The following PSMG4 variants were observed in gnomAD, a reference collection of about 807,000 sequenced individuals.
PSMG4 encodes the protein proteasome (prosome, macropain) assembly chaperone 4.
In PSMG4, 10 loss-of-function variants were observed where a neutral mutation model predicts 11.0. That is an observed-to-expected ratio of 0.91 (90% CI 0.56 to 1.54). The LOEUF is 1.54. Among genes scored for constraint, PSMG4 ranks in the 40% most tolerant of loss-of-function variants. The probability of loss-of-function intolerance (pLI) is 0.00; values close to 1 mark genes in which losing one functional copy is unlikely to be tolerated. For missense variants in PSMG4, 198 were observed against 160.9 expected (o/e 1.23, Z -1.25); for synonymous variants, 95 against 71.3 (o/e 1.33, Z -1.68).
chr6:3,262,716 A>G (rs1758035729), intron 1 of PSMG4, among the ~76,000 whole-genome samples: 1 of 151,470 alleles, frequency 6.6e-6, no homozygotes, highest in Non-Finnish European at 1.5e-5. Context: ...AGATTCTCAG[A>G]CCTCTGTAGC....
upstream of PSMG4, chr6:3,255,011 G>GT: frequency 1.9e-6 from 3 of 1,544,264 alleles, no homozygotes; most frequent in South Asian, 3.6e-5. Context: ...CTCCCATGTG[G>GT]GAGCGCTGGG....
At chr6:3,266,137 G>A (rs976151730) in intron 2 of PSMG4, 2 of 152,050 alleles carry the variant, frequency 1.3e-5, no homozygotes, top group Admixed American at 6.6e-5. Context: ...AGGCTTTTGG[G>A]GTCCTGGGCT....
chr6:3,259,600 C>G (rs559331901), intron 1 of PSMG4, among the ~76,000 whole-genome samples: 1 of 152,244 alleles, frequency 6.6e-6, no homozygotes, highest in African/African-American at 2.4e-5. Context: ...ACTAGGCACA[C>G]ATCAGGCTCT....
intron 1 of PSMG4, among the ~76,000 whole-genome samples, chr6:3,262,870 A>AG (rs56701690): frequency 1 from 151,118 of 151,450 alleles, 75,396 homozygotes; most frequent in Middle Eastern, 1. Flanking sequence ...ATGTAGAGAC[A>AG]GATCTTACTT....
chr6:3,259,104 T>C lies in PSMG4; in HGVS notation c.82T>C (p.Phe28Leu), dbSNP rs1187942350. The change falls in exon 1 of 3, where the codon TTC becomes CTC. Residue 28 changes from phenylalanine (F) to leucine (L), a missense_variant. Phe to Leu is a conservative substitution (Grantham distance 22). Transcript: ENST00000438998. ...SARLWEQLVH[F>L]HVMRLTDSLF... ...GAGGCTGTGGGAGCAGCTGGTCCACTTCCACGTCATGCGGCTGACGGACTC... is the reference window on the plus strand; with the variant it reads ...GAGGCTGTGGGAGCAGCTGGTCCACCTCCACGTCATGCGGCTGACGGACTC... The C allele has an allele frequency of 7.8e-7, 1 of 1,277,128 alleles. No individual in the cohort carries two copies. The highest frequency in any genetic ancestry group is 9.9e-7 in the Non-Finnish European group (1 of 1,010,294). The allele number at this position is 1,277,128 out of a possible 1,614,324, so 79.1% of individuals were successfully genotyped here.
At chr6:3,258,818 C>T, upstream of PSMG4, 2 of 412,112 alleles carry the variant, frequency 4.9e-6, no homozygotes, top group Non-Finnish European at 8.3e-6. Flanking sequence ...CTACTCCGCC[C>T]AGGGCCGGCA....
upstream of PSMG4, chr6:3,255,297 T>G (rs1240066407): frequency 4.6e-6 from 7 of 1,524,000 alleles, no homozygotes; most frequent in East Asian, 1.2e-4. Flanking sequence ...GTGCCCATCC[T>G]GGGAGAGTGG....
At chr6:3,262,053 T>C (rs1162946710) in intron 1 of PSMG4, among the ~76,000 whole-genome samples, 1 of 152,156 alleles carries the variant, frequency 6.6e-6, no homozygotes, top group Non-Finnish European at 1.5e-5. Context: ...TGACCTTGGG[T>C]TGAGCAGGGA....
intron 1 of PSMG4, among the ~76,000 whole-genome samples, chr6:3,260,291 A>ATATATATATATATATTTTTTTTTT: frequency 9.9e-5 from 7 of 70,836 alleles, no homozygotes; most frequent in African/African-American, 3.8e-4. Flanking sequence ...ATATATATAT[A>ATATATATATATATATTTTTTTTTT]TTTTTTTTTT....
intron 1 of PSMG4, among the ~76,000 whole-genome samples, chr6:3,260,239 AG>A (rs1757927562): frequency 6.7e-6 from 1 of 149,178 alleles, no homozygotes; most frequent in Admixed American, 6.7e-5. Flanking sequence ...TGTTGGATTA[AG>A]GGCCCATCCT....
Position 3,259,136 on chromosome 6 carries a change from C to T in PSMG4, c.114C>T (p.Phe38=), listed in dbSNP as rs184127704. 2,037 of 1,298,988 alleles carry T rather than the reference C, an allele frequency of 1.6e-3. 22 individuals carry two copies. The African/African-American group carries it at 0.028, about 18-fold the overall frequency. The allele number at this position is 1,298,988 out of a possible 1,614,324, so 80.5% of individuals were successfully genotyped here. ...FHVMRLTDSL[F]LWVGATPHLR... is the part of the protein sequence containing the mutation. ...TCATGCGGCTGACGGACTCGCTGTT[C>T]CTGTGGGTGGGGGCCACGCCGCACC... Residue 38 remains phenylalanine, a synonymous_variant, in exon 1 of 3, where the codon TTC becomes TTT. Transcript: ENST00000438998.
At chr6:3,255,343 A>T (rs908911787), upstream of PSMG4, 4 of 1,456,516 alleles carry the variant, frequency 2.7e-6, no homozygotes, top group Non-Finnish European at 3.6e-6. Flanking sequence ...GAGTCATTCT[A>T]TGTAGTTGCT....
intron 1 of PSMG4, among the ~76,000 whole-genome samples, chr6:3,263,471 C>CA (rs1342645303): frequency 6.6e-6 from 1 of 152,266 alleles, no homozygotes; most frequent in East Asian, 1.9e-4. Context: ...GTTCCAGCTT[C>CA]ATCTTTCCCA....
rs1046511070 is a variant in PSMG4 at position 3,267,592 on chromosome 6, C to T, written c.252C>T (p.Ala84=). ...TATCAATGTGTTTTCTCTTTTTAGC[C>T]AGGAAGACCAACAAACAGGTGTTTG... ...TTSTGLAQRL[A]RKTNKQVFVS... The change falls in exon 3 of 3, where the codon GCC becomes GCT. Residue 84 remains alanine (A), a splice_region_variant and synonymous_variant. Transcript: ENST00000438998. The T allele has an allele frequency of 1.3e-6, 2 of 1,551,212 alleles. No homozygotes were observed. Among genetic ancestry groups the T allele is most frequent in the Admixed American group, 2.0e-5 (1 of 50,954 alleles).
upstream of PSMG4, chr6:3,255,129 A>AT (rs1158122286): frequency 6.4e-7 from 1 of 1,551,084 alleles, no homozygotes; most frequent in African/African-American, 1.4e-5. Flanking sequence ...CTTACCACGT[A>AT]TTGGTCATTC....
chr6:3,260,291 A>ATATATATATT, intron 1 of PSMG4, among the ~76,000 whole-genome samples: 2 of 70,862 alleles, frequency 2.8e-5, no homozygotes, highest in African/African-American at 5.4e-5. Context: ...ATATATATAT[A>ATATATATATT]TTTTTTTTTT....
intron 2 of PSMG4, chr6:3,267,186 TTAAATC>T (rs1212655400): frequency 6.9e-6 from 1 of 144,294 alleles, no homozygotes; most frequent in Non-Finnish European, 1.5e-5. Flanking sequence ...TTTTTTTTTT[TTAAATC>T]AAAACACCAG....
chr6:3,260,283 ATATATATATTTTTTTTT>A (rs1757933318), intron 1 of PSMG4, among the ~76,000 whole-genome samples: 1 of 30,224 alleles, frequency 3.3e-5, no homozygotes, highest in African/African-American at 1.3e-4. Context: ...AATTGTATAT[ATATATATATTTTTTTTT>A]TTTTTTTTTG....
At chr6:3,260,932 G>A (rs1171985322) in intron 1 of PSMG4, among the ~76,000 whole-genome samples, 1 of 152,202 alleles carries the variant, frequency 6.6e-6, no homozygotes, top group East Asian at 1.9e-4. Context: ...GGCAGTGCTG[G>A]CCTCCCAGCC....
Sources: gnomAD v4.1 joint callset for allele counts (sites outside exome capture counted in the v4.1 genomes callset) on GRCh38, gnomAD v4.1.1 for gene constraint, MANE v1.5 for transcripts, NCBI Gene and HGNC (gene_info 2026-07-23, HGNC 2026-07-21) for gene names.